Variants in COL5A3 observed in about 807,000 individuals in gnomAD.
COL5A3 encodes collagen alpha-3(V) chain.
A neutral mutation model predicts 250.0 loss-of-function variants in COL5A3; 172 were observed. That is an observed-to-expected ratio of 0.69 (90% CI 0.61 to 0.78). The LOEUF (loss-of-function observed/expected upper bound fraction) is 0.78. Ranked by LOEUF, COL5A3 falls within the 30% of genes least tolerant of loss-of-function variation. The pLI, the probability that COL5A3 is intolerant of heterozygous loss-of-function variation, is 0.00. For missense variants in COL5A3, 2,340 were observed against 2,334.4 expected, an observed-to-expected ratio of 1.00 and a Z score of -0.05; for synonymous variants, 937 against 900.4, an observed-to-expected ratio of 1.04 and a Z score of -0.73.
At chr19:9,985,675 G>A (rs1053303801) in intron 31 of COL5A3, among the ~76,000 whole-genome samples, 167 bp downstream of exon 31, 3 of 152,082 alleles carry the variant, frequency 2.0e-5, no homozygotes, top group African/African-American at 7.2e-5. Flanking sequence ...CAGGGTGCTG[G>A]GATTATAGCC....
intron 32 of COL5A3, among the ~76,000 whole-genome samples, chr19:9,981,713 G>T (rs765534473): frequency 6.6e-6 from 1 of 152,120 alleles, no homozygotes; most frequent in African/African-American, 2.4e-5. Context: ...GTCCTTTCAC[G>T]CATATGTACA....
intron 65 of COL5A3, among the ~76,000 whole-genome samples, chr19:9,962,075 G>C (rs1365017338): frequency 1.3e-5 from 2 of 151,028 alleles, no homozygotes; most frequent in Non-Finnish European, 2.9e-5. Context: ...ATTTTGAAGA[G>C]CTAATCTGAA....
intron 3 of COL5A3, 37 bp downstream of exon 3, chr19:10,005,759 T>G: frequency 8.8e-6 from 14 of 1,599,166 alleles, no homozygotes; most frequent in Non-Finnish European, 1.2e-5. Context: ...ACCCCACCCC[T>G]TATCCACGGA....
intron 65 of COL5A3, among the ~76,000 whole-genome samples, 171 bp downstream of exon 65, chr19:9,962,648 T>G (rs12461154): frequency 0.096 from 14,606 of 152,162 alleles, 753 homozygotes; most frequent in East Asian, 0.19. Context: ...GGCAATTGAC[T>G]GCCTGTTACA....
rs1482440437 is a variant in COL5A3 at position 9,970,081 on chromosome 19, AGTGGGGGCTGTGG to A, written c.3937-172_3937-160del. 6.1e-4 allele frequency among the ~76,000 whole-genome samples: 8 copies of A among 13,180 alleles called. 1 individual carries two copies. The highest frequency in any genetic ancestry group is 2.5e-3 in the African/African-American group (5 of 2,018). 8.6% of individuals were successfully genotyped at this position (13,180 alleles called of 152,430 possible). A position where few individuals can be genotyped will look rare whatever the true frequency, so the allele number is the denominator to read the frequency against. ...TCTGGGTGAGTGGGGGCTGTGGGTG[AGTGGGGGCTGTGG>A]CTGAGTGGAGGCTGTGGGTGAGTGG... On this transcript the variant is annotated intron_variant, in intron 54 of 66. Coordinates refer to ENST00000264828, the MANE Select transcript of COL5A3 (RefSeq NM_015719.4).
chr19:9,980,709 G>T lies in COL5A3; in HGVS notation c.2560-17C>A. 1 of 1,614,120 alleles carries T rather than the reference G, an allele frequency of 6.2e-7. No individual in the cohort carries two copies. Among genetic ancestry groups the T allele is most frequent in the Middle Eastern group, 1.6e-4 (1 of 6,062 alleles). On this transcript the variant is annotated splice_polypyrimidine_tract_variant and intron_variant, in intron 34 of 66. Transcript: ENST00000264828. Reference sequence around the variant, plus strand: ...CACATCGCCCTAGGACAGAGTGAATGAGACTCAGGCCCCAGAACAAACTCA... The same window carrying T: ...CACATCGCCCTAGGACAGAGTGAATTAGACTCAGGCCCCAGAACAAACTCA...
chr19:9,985,255 C>G (rs2087083066), intron 31 of COL5A3, among the ~76,000 whole-genome samples: 1 of 143,410 alleles, frequency 7.0e-6, no homozygotes, highest in Non-Finnish European at 1.5e-5. Context: ...CCGGCCACAT[C>G]TGGCTAATTT....
rs1317304582 is a variant in COL5A3, at chr19:9,967,893, G to A, written c.4404+11C>T. The stretch of plus-strand genomic sequence containing the variant: ...GGGATGTGTAAGCCCACGGAAGCAG[G>A]GTGTACTCACCGGAGACCCTTTTGA... On this transcript the variant is annotated intron_variant, in intron 61 of 66. Coordinates refer to ENST00000264828, the MANE Select transcript of COL5A3 (RefSeq NM_015719.4). 6.2e-7 allele frequency: 1 copy of A among 1,612,526 alleles called. No homozygotes were observed. The highest frequency in any genetic ancestry group is 1.3e-5 in the African/African-American group (1 of 74,844).
chr19:10,010,026 T>TACACACACATACACACATGCA (rs2087505210), intron 1 of COL5A3, among the ~76,000 whole-genome samples: 1 of 151,926 alleles, frequency 6.6e-6, no homozygotes, highest in Non-Finnish European at 1.5e-5. Flanking sequence ...ACACACATGC[T>TACACACACATACACACATGCA]ACACACACAT....
rs891840736 is a variant in COL5A3 at position 9,988,849 on chromosome 19, A to G, written c.2145+275T>C. Among the ~76,000 whole-genome samples, 9 of 74,588 alleles carry G rather than the reference A, an allele frequency of 1.2e-4. No homozygotes were observed. In the East Asian group the frequency reaches 2.1e-3, roughly 17 times the overall value. 48.9% of individuals were successfully genotyped at this position (74,588 alleles called of 152,430 possible). A position where few individuals can be genotyped will look rare whatever the true frequency, so the allele number is the denominator to read the frequency against. On this transcript the variant is annotated intron_variant, in intron 27 of 66. Transcript: ENST00000264828. ...ACTCTGTCTCAAAAAAAAAAAAAAA[A>G]AAAAAAAAAGAAAGTAAAGAAAAGA...
In COL5A3 at chr19:10,006,132, C is replaced by T. The variant is rs144021089; in HGVS notation, c.188G>A (p.Arg63Gln). ...FCPQRTPEGD[R>Q]AFRIGQASTL... is the part of the protein sequence containing the mutation. ...GCTGGCCTGGCCAATTCTGAATGCC[C>T]GGTCACCCTCTGGAGTCCTCTGGGG... The change falls in exon 2 of 67, where the codon CGG becomes CAG. Residue 63 changes from arginine to glutamine, a missense_variant. Coordinates refer to ENST00000264828, the MANE Select transcript of COL5A3 (RefSeq NM_015719.4). 1.1e-5 allele frequency: 18 copies of T among 1,613,374 alleles called. No homozygotes were observed. The African/African-American group carries it at 1.7e-4, about 16-fold the overall frequency.
At chr19:9,962,564 T>C (rs2086688400) in intron 65 of COL5A3, among the ~76,000 whole-genome samples, 1 of 152,178 alleles carries the variant, frequency 6.6e-6, no homozygotes, top group Non-Finnish European at 1.5e-5. Flanking sequence ...GGAAGCCTTC[T>C]GGTCTTTCCA....
In COL5A3 at chr19:10,006,206, C is replaced by T; in HGVS notation, c.114G>A (p.Leu38=). ...QADPVDVLKA[L]GVQGGQAGVP... is the part of the protein sequence containing the mutation. Reference sequence around the variant, plus strand: ...CCCCAGCCTGGCCTCCCTGCACACCCAGGGCCTTCAGGACATCCACAGGAT... The same window carrying T: ...CCCCAGCCTGGCCTCCCTGCACACCTAGGGCCTTCAGGACATCCACAGGAT... Residue 38 remains leucine (L), a synonymous_variant, in exon 2 of 67, where the codon CTG becomes CTA. Transcript: ENST00000264828. 6.2e-7 allele frequency: 1 copy of T among 1,602,158 alleles called. No homozygotes were observed. Among genetic ancestry groups the T allele is most frequent in the Non-Finnish European group, 8.5e-7 (1 of 1,174,978 alleles).
At chr19:9,993,331 C>T (rs762965169) in intron 19 of COL5A3, 49 bp downstream of exon 19, 16 of 1,591,312 alleles carry the variant, frequency 1.0e-5, no homozygotes, top group East Asian at 8.9e-5. Context: ...CTCACTCAGG[C>T]TTCCAAACTT....
rs556102205 is a variant in COL5A3 at position 9,966,357 on chromosome 19, G to T, written c.4739C>A (p.Ala1580Glu). The change falls in exon 64 of 67, where the codon GCG (alanine) becomes GAG (glutamate). Residue 1580 changes from alanine to glutamate, a missense_variant. Coordinates refer to ENST00000264828, the MANE Select transcript of COL5A3 (RefSeq NM_015719.4). ...GGGATAGAGGCAGGTCTCTCCTCCCGCCGTGAAGTTGCAAAAAACCCTGAA... is the reference window on the plus strand; with the variant it reads ...GGGATAGAGGCAGGTCTCTCCTCCCTCCGTGAAGTTGCAAAAAACCCTGAA... ...DSFRVFCNFT[A>E]GGETCLYPDK... The T allele has an allele frequency of 1.1e-5, 17 of 1,609,516 alleles. No homozygotes were observed. In the South Asian group the frequency reaches 1.9e-4, roughly 18 times the overall value.
rs2161468 is a variant in COL5A3, at chr19:9,977,595, C to T, written c.3125G>A (p.Arg1042Gln). The stretch of plus-strand genomic sequence containing the variant: ...GAATGGGATGGGCAAGTCACTTACC[C>T]GGGACCCCTTCTTGCCTGCAGGGCC... ...PVGPAGKKGS[R>Q]GERGPPGPTG... Residue 1042 changes from arginine to glutamine, a missense_variant and splice_region_variant, in exon 42 of 67, where the codon CGG becomes CAG. Arg to Gln is a conservative substitution (Grantham distance 43). Transcript: ENST00000264828. 3 of 1,581,060 alleles carry T rather than the reference C, an allele frequency of 1.9e-6. No individual in the cohort carries two copies. Among genetic ancestry groups the T allele is most frequent in the Admixed American group, 1.8e-5 (1 of 55,188 alleles).
rs756535935 is a variant in COL5A3 at position 9,986,348 on chromosome 19, G to T, written c.2319C>A (p.Gly773=). The change falls in exon 30 of 67, where the codon GGC becomes GGA. Residue 773 remains glycine (G), a synonymous_variant. Transcript: ENST00000264828. ...EGPKGQAGQA[G]EEGPPGSAGE... The stretch of plus-strand genomic sequence containing the variant: ...CAGCTGAGCCTGGGGGCCCCTCCTC[G>T]CCAGCCTGCCCCGCCTGCCCCTTCG... The T allele has an allele frequency of 1.9e-6, 3 of 1,590,416 alleles. No homozygotes were observed. The highest frequency in any genetic ancestry group is 2.3e-5 in the South Asian group (2 of 88,740).
In COL5A3 at chr19:9,997,403, G is replaced by T. The variant is rs749448874; in HGVS notation, c.1231C>A (p.Pro411Thr). The T allele has an allele frequency of 6.2e-7, 1 of 1,609,956 alleles. No homozygotes were observed. Among genetic ancestry groups the T allele is most frequent in the Non-Finnish European group, 8.5e-7 (1 of 1,178,594 alleles). Reference sequence around the variant, plus strand: ...CCAGGGTCGCCAGGGAATCCTGGGGGGCCGGGAGGGCCTGAGGGGCCAACC... The same window carrying T: ...CCAGGGTCGCCAGGGAATCCTGGGGTGCCGGGAGGGCCTGAGGGGCCAACC... ...GVVGPSGPPG[P>T]PGFPGDPGPP... is the part of the protein sequence containing the mutation. The change falls in exon 11 of 67, where the codon CCC (proline) becomes ACC (threonine). Residue 411 changes from proline to threonine, a missense_variant. Pro to Thr is a conservative substitution (Grantham distance 38). Coordinates refer to ENST00000264828, the MANE Select transcript of COL5A3 (RefSeq NM_015719.4).
intron 65 of COL5A3, 21 bp from the exon 66 acceptor site, chr19:9,960,911 C>T (rs748853483): frequency 1.0e-5 from 16 of 1,598,426 alleles, no homozygotes; most frequent in African/African-American, 2.7e-5. Flanking sequence ...GAGGGCAAGG[C>T]AGAGGATGAG....
Sources: allele counts gnomAD v4.1 joint callset (sites outside exome capture counted in the v4.1 genomes callset), GRCh38; gene constraint gnomAD v4.1.1; transcripts MANE v1.5; gene names NCBI Gene and HGNC (gene_info 2026-07-23, HGNC 2026-07-21).